NR5A2: variants seen among roughly 807,000 people sequenced by gnomAD.
NR5A2 encodes CYP7A promoter-binding factor.
NR5A2 carries 26 observed loss-of-function variants against 62.7 expected under a neutral mutation model. That is an observed-to-expected ratio of 0.41 (90% CI 0.30 to 0.58). NR5A2 has a LOEUF of 0.58. NR5A2 is among the 20% of genes least tolerant of loss of function. NR5A2 has a pLI of 0.22. For missense variants in NR5A2, 541 were observed against 669.1 expected, an observed-to-expected ratio of 0.81 and a Z score of 2.11; for synonymous variants, 246 against 241.7, an observed-to-expected ratio of 1.02 and a Z score of -0.16.
Position 200,147,886 on chromosome 1 carries a change from C to T in NR5A2, c.1379-26077C>T. ...GTAGGCGCAGTCCCCGGAGCGGTGGCCGGCGCGCGGGGAGAAGCTGCGGGC... is the reference window on the plus strand; with the variant it reads ...GTAGGCGCAGTCCCCGGAGCGGTGGTCGGCGCGCGGGGAGAAGCTGCGGGC... On this transcript the variant is annotated intron_variant, in intron 7 of 7. Coordinates refer to ENST00000367362, the MANE Select transcript of NR5A2 (RefSeq NM_205860.3). This position sits in a 1 kb window ranked among gnomAD's most constrained non-coding sequence, Gnocchi z 4.9. The T allele has an allele frequency of 5.0e-6, 2 of 401,800 alleles. No homozygotes were observed. The highest frequency in any genetic ancestry group is 5.7e-5 in the East Asian group (1 of 17,558). The allele number at this position is 401,800 out of a possible 1,614,324, so 24.9% of individuals were successfully genotyped here.
Position 200,148,906 on chromosome 1 carries a change from CT to C in NR5A2, c.1379-25037del, listed in dbSNP as rs573219003. ...CTAGCCCAGTCTTTGGCATGCGGTA[CT>C]TTTTTTTTTTTTTTTTTTTCCTTTG... On this transcript the variant is annotated intron_variant, in intron 7 of 7. Transcript: ENST00000367362. 5.4e-3 allele frequency among the ~76,000 whole-genome samples: 680 copies of C among 125,258 alleles called. 5 individuals carry two copies. The highest frequency in any genetic ancestry group is 0.027 in the South Asian group (105 of 3,830). 82.2% of individuals were successfully genotyped at this position (125,258 alleles called of 152,430 possible).
rs111949351 is a variant in NR5A2 at position 200,111,334 on chromosome 1, A to AT, written c.1230+13_1230+14insT. On this transcript the variant is annotated intron_variant, in intron 6 of 7. Transcript: ENST00000367362. ...TACTGGGCAACAAGTGAGTGTAGAG[A>AT]CCAAAAAAAAAAAAAAAGCATCTTT... 332,407 of 1,367,162 alleles carry AT rather than the reference A, an allele frequency of 0.24. 11,021 individuals carry two copies. The highest frequency in any genetic ancestry group is 0.29 in the African/African-American group (17,855 of 60,942). 84.7% of individuals were successfully genotyped at this position (1,367,162 alleles called of 1,614,324 possible).
At chr1:200,096,877 A>G (rs945760377) in intron 5 of NR5A2, among the ~76,000 whole-genome samples, 2 of 152,220 alleles carry the variant, frequency 1.3e-5, no homozygotes, top group Non-Finnish European at 2.9e-5. Context: ...TATTCCATAT[A>G]GCCTAGGTTC....
chr1:200,173,141 C>G (rs1654258230), intron 7 of NR5A2, among the ~76,000 whole-genome samples: 1 of 151,992 alleles, frequency 6.6e-6, no homozygotes, highest in Non-Finnish European at 1.5e-5. Flanking sequence ...TTATAAGGAC[C>G]TTTAGGGCAG....
intron 5 of NR5A2, 35 bp from the exon 6 acceptor site, chr1:200,111,167 T>G: frequency 1.3e-6 from 2 of 1,589,204 alleles, no homozygotes; most frequent in East Asian, 2.3e-5. Flanking sequence ...TCATTTTTTG[T>G]TTTTTTTGTT....
At chr1:200,045,618 A>T in intron 4 of NR5A2, 34 bp downstream of exon 4, 1 of 1,576,912 alleles carries the variant, frequency 6.3e-7, no homozygotes, top group Non-Finnish European at 8.6e-7. Context: ...GCCTATTAAA[A>T]CTCTCCAAGG....
At chr1:200,167,365 T>C (rs1339653566) in intron 7 of NR5A2, among the ~76,000 whole-genome samples, 1 of 152,116 alleles carries the variant, frequency 6.6e-6, no homozygotes. Context: ...TCTCTGTCTC[T>C]CCTATTTTTT....
chr1:200,105,324 A>G (rs948448590), intron 5 of NR5A2, among the ~76,000 whole-genome samples: 9 of 148,258 alleles, frequency 6.1e-5, no homozygotes, highest in African/African-American at 2.4e-4. Context: ...ACTGAGAGAG[A>G]AAAAAAAAGT....
chr1:200,168,709 C>T (rs1654030371), intron 7 of NR5A2, among the ~76,000 whole-genome samples: 1 of 152,060 alleles, frequency 6.6e-6, no homozygotes. Context: ...AATTATCCTG[C>T]CCTCCCCTCC....
At chr1:200,040,346 C>T (rs1041275154) in intron 2 of NR5A2, among the ~76,000 whole-genome samples, 3 of 152,176 alleles carry the variant, frequency 2.0e-5, no homozygotes, top group African/African-American at 7.2e-5. Context: ...ACATTGCTGG[C>T]AGAACTGAAG....
intron 1 of NR5A2, among the ~76,000 whole-genome samples, chr1:200,035,367 T>G (rs1399321502): frequency 6.6e-6 from 1 of 152,028 alleles, no homozygotes; most frequent in African/African-American, 2.4e-5. Flanking sequence ...AAGATGTGTC[T>G]GCCACACCTT....
intron 5 of NR5A2, among the ~76,000 whole-genome samples, chr1:200,074,736 C>CAAAAAAAAAAAAAAAAAAAAAAAA (rs199556915): frequency 7.0e-4 from 47 of 67,520 alleles, no homozygotes; most frequent in Middle Eastern, 7.9e-3. Flanking sequence ...GAGTCCATCT[C>CAAAAAAAAAAAAAAAAAAAAAAAA]AAAAAAAAAA....
intron 5 of NR5A2, among the ~76,000 whole-genome samples, chr1:200,078,769 A>G (rs1230037664): frequency 6.6e-6 from 1 of 152,214 alleles, no homozygotes; most frequent in Non-Finnish European, 1.5e-5. Flanking sequence ...CATAATACAT[A>G]ATAAACATGT....
chr1:200,100,320 C>G (rs1339238262), intron 5 of NR5A2, among the ~76,000 whole-genome samples: 1 of 151,616 alleles, frequency 6.6e-6, no homozygotes, highest in African/African-American at 2.4e-5. Flanking sequence ...CATATTTTGC[C>G]TTTATTTATT....
rs574809683 is a variant in NR5A2 at position 200,140,668 on chromosome 1, T to C, written c.1378+19713T>C. 3.3e-4 allele frequency among the ~76,000 whole-genome samples: 50 copies of C among 152,306 alleles called. 1 individual carries two copies. The highest frequency in any genetic ancestry group is 3.1e-3 in the South Asian group (15 of 4,828). On this transcript the variant is annotated intron_variant, in intron 7 of 7. Coordinates refer to ENST00000367362, the MANE Select transcript of NR5A2 (RefSeq NM_205860.3). The stretch of plus-strand genomic sequence containing the variant: ...AGGAAGTTGGATGTTAAGATACATA[T>C]AGGGGAGTCCCAAGTACCCTTCATC...
At position 200,048,848 on chromosome 1, in the gene NR5A2, AC is replaced by A. The variant is rs767987150; in HGVS notation, c.1110+34del. ...GCCACCAGCTATTACAACTTACAGC[AC>A]CCCTTTTAAGAGAGACCTAACTATG... On this transcript the variant is annotated intron_variant, in intron 5 of 7. Transcript: ENST00000367362. The surrounding 1 kb of genome is among the most constrained non-coding windows in gnomAD (Gnocchi z 4.8). The A allele has an allele frequency of 6.2e-7, 1 of 1,608,498 alleles. No individual in the cohort carries two copies.
At chr1:200,145,316 A>T (rs891314158) in intron 7 of NR5A2, among the ~76,000 whole-genome samples, 3 of 152,056 alleles carry the variant, frequency 2.0e-5, no homozygotes, top group African/African-American at 4.8e-5. Flanking sequence ...TCAAAAAAAA[A>T]TTTTTTTTAG....
intron 7 of NR5A2, among the ~76,000 whole-genome samples, chr1:200,159,122 C>A (rs370222670): frequency 6.6e-6 from 1 of 151,940 alleles, no homozygotes; most frequent in African/African-American, 2.4e-5. Flanking sequence ...AACTCCTGGC[C>A]TGAAGCAATC....
At chr1:200,116,252 A>C (rs1215047230) in intron 6 of NR5A2, among the ~76,000 whole-genome samples, 1 of 152,176 alleles carries the variant, frequency 6.6e-6, no homozygotes, top group Non-Finnish European at 1.5e-5. Flanking sequence ...CAGACAGAGG[A>C]ATGCAAGACC....
Sources: allele counts gnomAD v4.1 joint callset (sites outside exome capture counted in the v4.1 genomes callset), GRCh38; gene constraint gnomAD v4.1.1; non-coding constraint Gnocchi (gnomAD v3.1); transcripts MANE v1.5; gene names NCBI Gene and HGNC (gene_info 2026-07-23, HGNC 2026-07-21).